Variants in MARCHF1 observed in about 807,000 individuals in gnomAD.
The protein encoded by MARCHF1 is membrane associated ring-CH-type finger 1, also known as E3 ubiquitin-protein ligase MARCHF1.
A neutral mutation model predicts 54.2 loss-of-function variants in MARCHF1; 40 were observed. The observed-to-expected ratio is 0.74, with a 90% CI of 0.57 to 0.96. The LOEUF (loss-of-function observed/expected upper bound fraction) is 0.96. MARCHF1 is among the 40% of genes least tolerant of loss of function. The pLI, the probability that MARCHF1 is intolerant of heterozygous loss-of-function variation, is 0.00. For missense variants in MARCHF1, 586 were observed against 656.5 expected (o/e 0.89, Z 1.17); for synonymous variants, 236 against 236.3 (o/e 1.00, Z 0.01).
chr4:163,712,466 T>C (rs1255750823), intron 4 of MARCHF1, among the ~76,000 whole-genome samples: 2 of 152,206 alleles, frequency 1.3e-5, no homozygotes, highest in Non-Finnish European at 2.9e-5. Flanking sequence ...AAATGTATGA[T>C]TCCTGCAAAG....
At chr4:164,105,091 A>G (rs1755660769) in intron 2 of MARCHF1, among the ~76,000 whole-genome samples, 1 of 74,012 alleles carries the variant, frequency 1.4e-5, no homozygotes, top group African/African-American at 4.1e-5. Flanking sequence ...GAGAACTACA[A>G]ACCACTGCTC....
At chr4:163,575,813 A>T (rs951439260) in intron 8 of MARCHF1, among the ~76,000 whole-genome samples, 1 of 151,058 alleles carries the variant, frequency 6.6e-6, no homozygotes, top group African/African-American at 2.4e-5. Flanking sequence ...TTACCTCTAG[A>T]TTTTCTAGTT....
intron 1 of MARCHF1, among the ~76,000 whole-genome samples, chr4:164,176,922 T>G (rs1730678609): frequency 1.4e-5 from 2 of 140,192 alleles, no homozygotes; most frequent in East Asian, 4.1e-4. Flanking sequence ...AATTTGTTAT[T>G]TATCTGAGTA....
rs1281255390 is a variant in MARCHF1, at chr4:163,612,397, C to A, written c.884G>T (p.Ser295Ile). 6.5e-7 allele frequency: 1 copy of A among 1,535,458 alleles called. No homozygotes were observed. Among genetic ancestry groups the A allele is most frequent in the Admixed American group, 2.0e-5 (1 of 50,950 alleles). Residue 295 changes from serine (S) to isoleucine (I), a missense_variant, in exon 7 of 10, where the codon AGC (serine) becomes ATC (isoleucine). By Grantham distance (142) the Ser-to-Ile change is moderately radical. This residue lies in a region of MARCHF1 where 387 missense variants were observed against 394.6 expected (regional missense o/e 0.98). Transcript: ENST00000514618. ...MKKTFSETDS[S>I]TEILGVPEGS... ...TTCTGGAACTCCCAGTATTTCAGTG[C>A]TGGAATCTGTTTCTGAAAATGTCTT...
At chr4:163,791,702 T>C (rs1200226335) in intron 4 of MARCHF1, among the ~76,000 whole-genome samples, 1 of 152,166 alleles carries the variant, frequency 6.6e-6, no homozygotes, top group Non-Finnish European at 1.5e-5. Flanking sequence ...CAACTTAATA[T>C]TGCATCTTCA....
At chr4:163,624,778 T>C (rs1274336668) in intron 5 of MARCHF1, among the ~76,000 whole-genome samples, 1 of 152,236 alleles carries the variant, frequency 6.6e-6, no homozygotes, top group East Asian at 1.9e-4. Context: ...ACAGATCAAG[T>C]TCCAGAACTT....
chr4:164,166,948 C>G lies in MARCHF1; in HGVS notation c.-322-55286G>C, dbSNP rs575374110. Among the ~76,000 whole-genome samples the G allele has an allele frequency of 6.9e-4, 104 of 150,964 alleles. 1 individual carries two copies. Among genetic ancestry groups the G allele is most frequent in the African/African-American group, 2.4e-3 (98 of 41,336 alleles). ...TCAAAAATGTGAAAGATTTATAAAT[C>G]TTTATATTTATAAATTTTTAAATTT... is the stretch of plus-strand genomic sequence containing the variant. On this transcript the variant is annotated intron_variant, in intron 1 of 9. Transcript: ENST00000514618.
At chr4:164,342,264 C>T (rs1729951403) in intron 1 of MARCHF1, among the ~76,000 whole-genome samples, 1 of 152,102 alleles carries the variant, frequency 6.6e-6, no homozygotes, top group Admixed American at 6.6e-5. Context: ...TATGTATCAC[C>T]TCACACCTGT....
At chr4:163,648,371 C>A (rs939993188) in intron 5 of MARCHF1, among the ~76,000 whole-genome samples, 1 of 151,768 alleles carries the variant, frequency 6.6e-6, no homozygotes, top group African/African-American at 2.4e-5. Context: ...AGAACATTGT[C>A]TAAGGATTAG....
intron 4 of MARCHF1, among the ~76,000 whole-genome samples, chr4:163,717,468 T>C (rs1245686683): frequency 6.6e-6 from 1 of 152,092 alleles, no homozygotes; most frequent in Non-Finnish European, 1.5e-5. Context: ...TGTGTGTGTG[T>C]GTCTTTATAG....
intron 2 of MARCHF1, among the ~76,000 whole-genome samples, chr4:164,076,500 C>G (rs909017789): frequency 2.0e-5 from 3 of 152,212 alleles, no homozygotes; most frequent in African/African-American, 7.2e-5. Flanking sequence ...TGCCCTCTCT[C>G]ACCACTCCTA....
At position 163,662,509 on chromosome 4, in the gene MARCHF1, ATTCCT is replaced by A. The variant is rs1233274491; in HGVS notation, c.162+38299_162+38303del. 3.9e-5 allele frequency among the ~76,000 whole-genome samples: 6 copies of A among 152,050 alleles called. No individual in the cohort carries two copies. In the East Asian group the frequency reaches 5.8e-4, roughly 15 times the overall value. On this transcript the variant is annotated intron_variant, in intron 5 of 9. Transcript: ENST00000514618. ...TCTCATATTTGTAATATCCAAGCAC[ATTCCT>A]TTCTAGTCCCAGAATCTTCCCTTTC...
intron 1 of MARCHF1, among the ~76,000 whole-genome samples, chr4:164,211,074 G>A (rs1337206758): frequency 6.6e-6 from 1 of 151,976 alleles, no homozygotes; most frequent in Non-Finnish European, 1.5e-5. Context: ...TATGGGGAAA[G>A]GGGAGAGGTT....
intron 2 of MARCHF1, among the ~76,000 whole-genome samples, chr4:164,091,040 T>G (rs972561497): frequency 4.6e-5 from 7 of 152,108 alleles, no homozygotes; most frequent in African/African-American, 1.7e-4. Flanking sequence ...CAATCTGCAC[T>G]TGTTCTGAAA....
Position 163,528,451 on chromosome 4 carries a change from T to C in MARCHF1, c.*297A>G. ...AGAGTATCATGGGTCCATTTAATCTTTGATTACTGCCTAAAAGCATTCATT... is the reference window on the plus strand; with the variant it reads ...AGAGTATCATGGGTCCATTTAATCTCTGATTACTGCCTAAAAGCATTCATT... On this transcript the variant is annotated 3_prime_UTR_variant, in exon 10 of 10. Coordinates refer to ENST00000514618, the MANE Select transcript of MARCHF1 (RefSeq NM_001394959.1). 3.1e-6 allele frequency: 1 copy of C among 317,940 alleles called. No individual in the cohort carries two copies. Among genetic ancestry groups the C allele is most frequent in the Non-Finnish European group, 5.8e-6 (1 of 171,970 alleles). The allele number at this position is 317,940 out of a possible 1,614,324, so 19.7% of individuals were successfully genotyped here. A position where few individuals can be genotyped will look rare whatever the true frequency, so the allele number is the denominator to read the frequency against.
Position 164,274,659 on chromosome 4 carries a change from C to CTTCT in MARCHF1, c.-323+109210_-323+109211insAGAA, listed in dbSNP as rs1733826760. On this transcript the variant is annotated intron_variant, in intron 1 of 9. Coordinates refer to ENST00000514618, the MANE Select transcript of MARCHF1 (RefSeq NM_001394959.1). ...CGCTTGATGTGTGCTTCAGGGTACA[C>CTTCT]TTTTTTTTTTTTTTTTTTTTTTTTT... Among the ~76,000 whole-genome samples the CTTCT allele has an allele frequency of 3.8e-4, 17 of 44,658 alleles. 7 individuals carry two copies. The highest frequency in any genetic ancestry group is 0.029 in the Middle Eastern group (2 of 68). 29.3% of individuals were successfully genotyped at this position (44,658 alleles called of 152,430 possible). A position where few individuals can be genotyped will look rare whatever the true frequency, so the allele number is the denominator to read the frequency against.
intron 7 of MARCHF1, among the ~76,000 whole-genome samples, chr4:163,600,328 C>G (rs1299094354): frequency 6.6e-6 from 1 of 152,112 alleles, no homozygotes; most frequent in African/African-American, 2.4e-5. Flanking sequence ...AATTATCTGG[C>G]ATGCTTCTAA....
intron 3 of MARCHF1, among the ~76,000 whole-genome samples, chr4:163,910,088 AAAC>A (rs143507005): frequency 0.15 from 22,111 of 152,078 alleles, 1,742 homozygotes; most frequent in Non-Finnish European, 0.17. Context: ...AAGCATAGTC[AAAC>A]ATCTAACATA....
intron 1 of MARCHF1, among the ~76,000 whole-genome samples, chr4:164,153,468 C>G (rs1213198989): frequency 6.6e-6 from 1 of 151,960 alleles, no homozygotes. Flanking sequence ...TGAAAATTAG[C>G]CAGACTGTCA....
Sources: allele counts gnomAD v4.1 joint callset (sites outside exome capture counted in the v4.1 genomes callset), GRCh38; gene constraint gnomAD v4.1.1; regional missense constraint gnomAD v4.1.1; transcripts MANE v1.5; gene names NCBI Gene and HGNC (gene_info 2026-07-23, HGNC 2026-07-21).